DNER: variants seen among roughly 807,000 people sequenced by gnomAD.
DNER encodes the protein delta and Notch-like epidermal growth factor-related receptor.
Under a neutral mutation model 78.2 loss-of-function variants are expected in DNER, and 33 were observed. That is an observed-to-expected ratio of 0.42 (90% confidence interval 0.32 to 0.56). DNER has a LOEUF of 0.56. Among genes scored for constraint, DNER ranks in the 20% least tolerant of loss-of-function variants. The pLI, the probability that DNER is intolerant of heterozygous loss-of-function variation, is 0.11. For missense variants in DNER, 918 were observed against 975.3 expected (o/e 0.94, Z 0.78); for synonymous variants, 417 against 384.8 (o/e 1.08, Z -0.98).
intron 10 of DNER, among the ~76,000 whole-genome samples, chr2:229,395,750 A>C (rs1693123580): frequency 6.6e-6 from 1 of 152,102 alleles, no homozygotes; most frequent in African/African-American, 2.4e-5. Context: ...ACTACAAAAA[A>C]TTAGCTGGGC....
At chr2:229,410,756 CA>C (rs960198444) in intron 9 of DNER, among the ~76,000 whole-genome samples, 38 of 152,084 alleles carry the variant, frequency 2.5e-4, no homozygotes, top group Non-Finnish European at 4.7e-4. Context: ...AGCTAGAATT[CA>C]AAAAGCAGTA....
intron 5 of DNER, among the ~76,000 whole-genome samples, chr2:229,540,422 A>T (rs990442770): frequency 5.3e-5 from 8 of 152,184 alleles, no homozygotes; most frequent in Non-Finnish European, 8.8e-5. Flanking sequence ...GACAAGCCCA[A>T]GAAATGATAA....
intron 6 of DNER, among the ~76,000 whole-genome samples, chr2:229,504,555 A>G (rs1302228156): frequency 6.6e-6 from 1 of 152,214 alleles, no homozygotes; most frequent in Non-Finnish European, 1.5e-5. Flanking sequence ...ATGAACAACA[A>G]TAAAAGATGT....
chr2:229,706,299 C>G (rs1363381724), intron 1 of DNER, among the ~76,000 whole-genome samples: 2 of 151,792 alleles, frequency 1.3e-5, no homozygotes, highest in African/African-American at 4.8e-5. Flanking sequence ...GCCTGTAATT[C>G]CAACACACTG....
intron 5 of DNER, among the ~76,000 whole-genome samples, chr2:229,520,385 G>T (rs1379209309): frequency 6.6e-6 from 1 of 152,192 alleles, no homozygotes; most frequent in Non-Finnish European, 1.5e-5. Flanking sequence ...AAATGGAGAT[G>T]ATTCAAGCCA....
At chr2:229,613,127 GC>G (rs1219343337) in intron 1 of DNER, among the ~76,000 whole-genome samples, 6 of 152,130 alleles carry the variant, frequency 3.9e-5, no homozygotes, top group African/African-American at 1.2e-4. Context: ...TCAGCAAACA[GC>G]CATTAAAAAT....
At chr2:229,518,820 T>C (rs1272173198) in intron 5 of DNER, among the ~76,000 whole-genome samples, 2 of 152,214 alleles carry the variant, frequency 1.3e-5, no homozygotes, top group African/African-American at 2.4e-5. Context: ...GAGAACATTA[T>C]ATACCATATA....
chr2:229,385,629 G>C (rs1024281823), intron 11 of DNER, among the ~76,000 whole-genome samples: 1 of 152,060 alleles, frequency 6.6e-6, no homozygotes, highest in Non-Finnish European at 1.5e-5. Flanking sequence ...CAAAGTCTCA[G>C]GATACAAAAT....
intron 8 of DNER, among the ~76,000 whole-genome samples, chr2:229,431,741 T>A (rs1358600436): frequency 1.3e-5 from 2 of 151,596 alleles, no homozygotes; most frequent in East Asian, 3.9e-4. Context: ...CATATGTAAC[T>A]AACCTGCACA....
intron 8 of DNER, among the ~76,000 whole-genome samples, chr2:229,442,780 A>T (rs1445045012): frequency 1.7e-4 from 26 of 152,210 alleles, no homozygotes; most frequent in Admixed American, 1.7e-3. Context: ...TGAGTTTAAC[A>T]GAAGGAGCAG....
At chr2:229,363,883 T>C (rs1692275771) in intron 12 of DNER, among the ~76,000 whole-genome samples, 1 of 150,142 alleles carries the variant, frequency 6.7e-6, no homozygotes, top group South Asian at 2.1e-4. Flanking sequence ...CACATGAGAA[T>C]ACAATGCCAT....
intron 1 of DNER, among the ~76,000 whole-genome samples, chr2:229,623,365 G>T (rs13392878): frequency 0.15 from 22,158 of 151,986 alleles, 1,807 homozygotes; most frequent in Middle Eastern, 0.18. Flanking sequence ...ATGCTGCCTG[G>T]CCATTTCCCC....
At chr2:229,505,631 T>C (rs1695723447) in intron 6 of DNER, among the ~76,000 whole-genome samples, 1 of 152,184 alleles carries the variant, frequency 6.6e-6, no homozygotes, top group African/African-American at 2.4e-5. Flanking sequence ...ATTGCTACTA[T>C]GGTTCTACGG....
chr2:229,506,458 G>T (rs958364030), intron 6 of DNER, among the ~76,000 whole-genome samples: 1 of 151,836 alleles, frequency 6.6e-6, no homozygotes, highest in Non-Finnish European at 1.5e-5. Context: ...CATACCAGGA[G>T]TCTAAGTACA....
intron 1 of DNER, among the ~76,000 whole-genome samples, chr2:229,644,238 A>G (rs1427474371): frequency 6.6e-6 from 1 of 151,724 alleles, no homozygotes; most frequent in Non-Finnish European, 1.5e-5. Context: ...TGATAATCAT[A>G]TCGTGGAAAA....
At chr2:229,422,232 T>C (rs1319295002) in intron 8 of DNER, among the ~76,000 whole-genome samples, 2 of 152,218 alleles carry the variant, frequency 1.3e-5, no homozygotes, top group East Asian at 3.9e-4. Flanking sequence ...TCTGTGAAAA[T>C]GAGGCTATCA....
At chr2:229,650,827 T>C (rs1348828024) in intron 1 of DNER, among the ~76,000 whole-genome samples, 2 of 152,182 alleles carry the variant, frequency 1.3e-5, no homozygotes, top group African/African-American at 4.8e-5. Context: ...GGGGCCACTT[T>C]ATGGCTGGTT....
chr2:229,461,371 A>T (rs1241791207), intron 7 of DNER, among the ~76,000 whole-genome samples: 1 of 152,020 alleles, frequency 6.6e-6, no homozygotes, highest in Non-Finnish European at 1.5e-5. Context: ...AAGAGCTCTG[A>T]CCGGTCAACC....
chr2:229,396,773 T>C lies in DNER; in HGVS notation c.1724-8377A>G, dbSNP rs546197952. Among the ~76,000 whole-genome samples, 4 of 152,354 alleles carry C rather than the reference T, an allele frequency of 2.6e-5. No homozygotes were observed. The East Asian group carries it at 7.7e-4, about 29-fold the overall frequency. On this transcript the variant is annotated intron_variant, in intron 10 of 12. Coordinates refer to ENST00000341772, the MANE Select transcript of DNER (RefSeq NM_139072.4). ...GCCTTGAGGCTGAACCAACCTCAGA[T>C]GTGGGTCTGTCTGAGCATAGGTCAC...
Sources: gnomAD v4.1 joint callset for allele counts (sites outside exome capture counted in the v4.1 genomes callset) on GRCh38, gnomAD v4.1.1 for gene constraint, MANE v1.5 for transcripts, NCBI Gene and HGNC (gene_info 2026-07-23, HGNC 2026-07-21) for gene names.